CACNG6: variants seen among roughly 807,000 people sequenced by gnomAD.
CACNG6 encodes the protein voltage-dependent calcium channel gamma-6 subunit.
CACNG6 carries 21 observed loss-of-function variants against 23.9 expected under a neutral mutation model. The ratio of observed to expected loss-of-function variants is 0.88; its 90% CI spans 0.62 to 1.26. CACNG6 has a LOEUF of 1.26. Ranked by LOEUF, CACNG6 falls within the 50% of genes most tolerant of loss-of-function variation. The pLI, the probability that CACNG6 is intolerant of heterozygous loss-of-function variation, is 0.00. For missense variants in CACNG6, 340 were observed against 352.9 expected, an observed-to-expected ratio of 0.96 and a Z score of 0.29; for synonymous variants, 182 against 168.9, an observed-to-expected ratio of 1.08 and a Z score of -0.60.
chr19:53,994,724 T>A (rs925499593), intron 1 of CACNG6, among the ~76,000 whole-genome samples: 19 of 152,150 alleles, frequency 1.2e-4, no homozygotes, highest in African/African-American at 4.3e-4. Context: ...AGATGTGATA[T>A]CTTATATGTG....
rs2069478934 is a variant in CACNG6 at position 53,992,981 on chromosome 19, G to T, written c.104G>T (p.Arg35Leu). The T allele has an allele frequency of 2.8e-6, 4 of 1,434,968 alleles. No homozygotes were observed. Among genetic ancestry groups the T allele is most frequent in the Middle Eastern group, 1.8e-4 (1 of 5,432 alleles). 88.9% of individuals were successfully genotyped at this position (1,434,968 alleles called of 1,614,324 possible). Reference sequence around the variant, plus strand: ...GGCAGGTCGGGGCTGACGCCCGAGCGCGAGGGGAAGGTGAAGCTGGCGCTG... The same window carrying T: ...GGCAGGTCGGGGCTGACGCCCGAGCTCGAGGGGAAGGTGAAGCTGGCGCTG... ...GQGRSGLTPE[R>L]EGKVKLALLL... The change falls in exon 1 of 4, where the codon CGC becomes CTC. Residue 35 changes from arginine to leucine, a missense_variant. Transcript: ENST00000252729. The surrounding 1 kb of genome is among the most constrained non-coding windows in gnomAD (Gnocchi z 4.1).
Position 53,999,728 on chromosome 19 carries a change from A to G in CACNG6, c.501A>G (p.Ala167=), listed in dbSNP as rs1401520470. The change falls in exon 3 of 4, where the codon GCA becomes GCG. Residue 167 remains alanine (A), a synonymous_variant. Coordinates refer to ENST00000252729, the MANE Select transcript of CACNG6 (RefSeq NM_145814.2). ...TCATCATGGTGCTCAGTAAAGGTGCAGAGTTCCTGCTCCGAGTTGGAGCCG... is the reference window on the plus strand; with the variant it reads ...TCATCATGGTGCTCAGTAAAGGTGCGGAGTTCCTGCTCCGAGTTGGAGCCG... ...LCIIMVLSKG[A]EFLLRVGAVC... is the part of the protein sequence containing the mutation. 3 of 1,614,138 alleles carry G rather than the reference A, an allele frequency of 1.9e-6. No homozygotes were observed. Among genetic ancestry groups the G allele is most frequent in the African/African-American group, 1.3e-5 (1 of 75,064 alleles).
rs1421475482 is a variant in CACNG6, at chr19:53,992,637, CCCT to C, written c.-236_-234del. On this transcript the variant is annotated 5_prime_UTR_variant, in exon 1 of 4. Coordinates refer to ENST00000252729, the MANE Select transcript of CACNG6 (RefSeq NM_145814.2). The surrounding 1 kb of genome is among the most constrained non-coding windows in gnomAD (Gnocchi z 4.1). ...GCCAAGTTCTTGAGGGCAACCTAGA[CCCT>C]CCTCTGAACCCCAGAGGCTTCCCCA... 1 of 338,348 alleles carries C rather than the reference CCCT, an allele frequency of 3.0e-6. No homozygotes were observed. The highest frequency in any genetic ancestry group is 5.3e-6 in the Non-Finnish European group (1 of 188,030). 21.0% of individuals were successfully genotyped at this position (338,348 alleles called of 1,614,324 possible).
intron 1 of CACNG6, among the ~76,000 whole-genome samples, chr19:53,996,973 A>T (rs1177540579): frequency 4.9e-5 from 7 of 142,118 alleles, no homozygotes. Context: ...GGCTGAAGGG[A>T]TCCTCTTGCC....
Position 53,992,716 on chromosome 19 carries a change from C to T in CACNG6, c.-162C>T, listed in dbSNP as rs1031828403. 5.2e-5 allele frequency: 22 copies of T among 419,982 alleles called. No homozygotes were observed. The South Asian group carries it at 1.3e-3, about 24-fold the overall frequency. 26.0% of individuals were successfully genotyped at this position (419,982 alleles called of 1,614,324 possible). ...GAACCCCAGAAGCAATCTCGACTTT[C>T]GCATTTGAGATTCCAGACAGGACTC... On this transcript the variant is annotated 5_prime_UTR_variant, in exon 1 of 4. Transcript: ENST00000252729. This position sits in a 1 kb window ranked among gnomAD's most constrained non-coding sequence, Gnocchi z 4.1.
chr19:53,997,298 G>C (rs2069530228), intron 1 of CACNG6, among the ~76,000 whole-genome samples: 1 of 152,126 alleles, frequency 6.6e-6, no homozygotes, highest in Admixed American at 6.5e-5. Context: ...GTACTGGAGA[G>C]ATTTTCACAA....
intron 3 of CACNG6, among the ~76,000 whole-genome samples, chr19:54,009,933 AT>A (rs1249268425): frequency 2.6e-5 from 4 of 151,466 alleles, no homozygotes; most frequent in East Asian, 1.9e-4. Context: ...CAAAAAAAAA[AT>A]AAAAAATAAA....
chr19:53,992,950 G>C lies in CACNG6; in HGVS notation c.73G>C (p.Gly25Arg), dbSNP rs780619316. ...GGCCGCGGGCCGGCGGCGGGCGCACGGGCAGGGCAGGTCGGGGCTGACGCC... is the reference window on the plus strand; with the variant it reads ...GGCCGCGGGCCGGCGGCGGGCGCACCGGCAGGGCAGGTCGGGGCTGACGCC... Reference protein sequence around the residue: ...RGAAGRRRAHGQGRSGLTPER... With the variant: ...RGAAGRRRAHRQGRSGLTPER... The change falls in exon 1 of 4, where the codon GGG becomes CGG. Residue 25 changes from glycine to arginine, a missense_variant. Coordinates refer to ENST00000252729, the MANE Select transcript of CACNG6 (RefSeq NM_145814.2). The surrounding 1 kb of genome is among the most constrained non-coding windows in gnomAD (Gnocchi z 4.1). The C allele has an allele frequency of 2.4e-5, 33 of 1,404,126 alleles. No individual in the cohort carries two copies. The Middle Eastern group carries it at 7.5e-4, about 32-fold the overall frequency. The allele number at this position is 1,404,126 out of a possible 1,614,324, so 87.0% of individuals were successfully genotyped here.
Position 53,993,129 on chromosome 19 carries a change from G to T in CACNG6, c.252G>T (p.Trp84Cys). 1 of 1,548,134 alleles carries T rather than the reference G, an allele frequency of 6.5e-7. No individual in the cohort carries two copies. The highest frequency in any genetic ancestry group is 8.7e-7 in the Non-Finnish European group (1 of 1,146,024). ...GCGAAGCGGCCCACCTGGGGCTGTG[G>T]AAGGCGTGCACCAAGCGGCTGTGGC... is the stretch of plus-strand genomic sequence containing the variant. ...AVCEAAHLGLWKACTKRLWQA... is the reference protein window; with the variant it reads ...AVCEAAHLGLCKACTKRLWQA... Residue 84 changes from tryptophan to cysteine, a missense_variant, in exon 1 of 4, where the codon TGG becomes TGT. By Grantham distance (215) the Trp-to-Cys change is radical (BLOSUM62 -2). Coordinates refer to ENST00000252729, the MANE Select transcript of CACNG6 (RefSeq NM_145814.2).
intron 1 of CACNG6, among the ~76,000 whole-genome samples, 165 bp from the exon 2 acceptor site, chr19:53,998,074 G>A (rs2069538352): frequency 6.6e-6 from 1 of 152,020 alleles, no homozygotes; most frequent in South Asian, 2.1e-4. Flanking sequence ...ATGGCAGTGT[G>A]GTCGCAGGTG....
chr19:54,002,526 C>A (rs960287045), intron 3 of CACNG6, among the ~76,000 whole-genome samples: 2 of 137,342 alleles, frequency 1.5e-5, no homozygotes, highest in Non-Finnish European at 3.1e-5. Flanking sequence ...ACAAGTATTT[C>A]TTTAATATCC....
intron 3 of CACNG6, among the ~76,000 whole-genome samples, chr19:54,005,449 T>A (rs1215785765): frequency 7.0e-6 from 1 of 141,908 alleles, no homozygotes; most frequent in Non-Finnish European, 1.5e-5. Flanking sequence ...AAAAAATAGA[T>A]AAAAATTTAA....
rs149348338 is a variant in CACNG6, at chr19:54,012,591, G to A, written c.*402G>A. 75 of 164,704 alleles carry A rather than the reference G, an allele frequency of 4.6e-4. No homozygotes were observed. Among genetic ancestry groups the A allele is most frequent in the African/African-American group, 1.7e-3 (73 of 41,964 alleles). 10.2% of individuals were successfully genotyped at this position (164,704 alleles called of 1,614,324 possible). On this transcript the variant is annotated 3_prime_UTR_variant, in exon 4 of 4. Transcript: ENST00000252729. The stretch of plus-strand genomic sequence containing the variant: ...CTTTTTACAACTCATCTGCAGCTCC[G>A]GGTGCGGTTGGGGGAGATAGCGAAG...
At chr19:54,003,250 C>T (rs991041500) in intron 3 of CACNG6, among the ~76,000 whole-genome samples, 1 of 152,166 alleles carries the variant, frequency 6.6e-6, no homozygotes, top group Non-Finnish European at 1.5e-5. Context: ...CAAGCCTGAA[C>T]AAATCTGGTG....
At chr19:54,006,120 A>AAAT (rs371151424) in intron 3 of CACNG6, among the ~76,000 whole-genome samples, 26 of 150,670 alleles carry the variant, frequency 1.7e-4, no homozygotes, top group East Asian at 5.8e-4. Context: ...ATAAATAAAT[A>AAAT]AAATAAGAAA....
chr19:54,005,263 AAG>A lies in CACNG6; in HGVS notation c.544+5495_544+5496del, dbSNP rs74177838. ...TAAATAAATAAATAATAATAAAAGA[AAG>A]AGCACGTGAGAGAAACTGGGCGCGG... On this transcript the variant is annotated intron_variant, in intron 3 of 3. Coordinates refer to ENST00000252729, the MANE Select transcript of CACNG6 (RefSeq NM_145814.2). 4.8e-5 allele frequency among the ~76,000 whole-genome samples: 7 copies of A among 147,242 alleles called. No individual in the cohort carries two copies. The East Asian group carries it at 1.4e-3, about 30-fold the overall frequency.
chr19:54,002,119 G>A (rs763598381), intron 3 of CACNG6, among the ~76,000 whole-genome samples: 28 of 148,482 alleles, frequency 1.9e-4, no homozygotes, highest in African/African-American at 6.5e-4. Context: ...ACAGGGTCTC[G>A]CTCTCTCATC....
intron 3 of CACNG6, among the ~76,000 whole-genome samples, chr19:54,004,904 T>C (rs543669274): frequency 7.1e-4 from 108 of 151,796 alleles, no homozygotes; most frequent in Non-Finnish European, 1.4e-3. Context: ...ATGTTAAAAA[T>C]AAATAAATAA....
Sources: gnomAD v4.1 joint callset for allele counts (sites outside exome capture counted in the v4.1 genomes callset) on GRCh38, gnomAD v4.1.1 for gene constraint, Gnocchi (gnomAD v3.1) non-coding constraint, MANE v1.5 for transcripts, NCBI Gene and HGNC (gene_info 2026-07-23, HGNC 2026-07-21) for gene names.